CRACR2A: variants seen among roughly 807,000 people sequenced by gnomAD.
The protein encoded by CRACR2A is calcium release activated channel regulator 2A, also known as EF-hand calcium-binding domain-containing protein 4B.
Under a neutral mutation model 90.5 loss-of-function variants are expected in CRACR2A, and 79 were observed. The ratio of observed to expected loss-of-function variants is 0.87; its 90% CI spans 0.73 to 1.05. The LOEUF is 1.05. CRACR2A is among the 50% of genes least tolerant of loss of function. The pLI is 0.00. For missense variants in CRACR2A, 823 were observed against 897.2 expected, an observed-to-expected ratio of 0.92 and a Z score of 1.06; for synonymous variants, 338 against 356.7, an observed-to-expected ratio of 0.95 and a Z score of 0.59.
intron 2 of CRACR2A, among the ~76,000 whole-genome samples, chr12:3,719,637 C>A (rs1024767976): frequency 6.6e-6 from 1 of 152,180 alleles, no homozygotes; most frequent in African/African-American, 2.4e-5. Context: ...GAAATTCCCT[C>A]TGAGATATTT....
intron 2 of CRACR2A, among the ~76,000 whole-genome samples, chr12:3,721,370 C>A (rs78155386): frequency 5.3e-3 from 637 of 121,308 alleles, no homozygotes; most frequent in Middle Eastern, 7.9e-3. Flanking sequence ...CCCGTCTCTA[C>A]AAAAAAAAAA....
At chr12:3,688,570 C>T (rs979563434) in intron 4 of CRACR2A, among the ~76,000 whole-genome samples, 1 of 152,098 alleles carries the variant, frequency 6.6e-6, no homozygotes, top group Admixed American at 6.6e-5. Context: ...GTGTCAGTAC[C>T]ATGCTGTTTT....
intron 11 of CRACR2A, among the ~76,000 whole-genome samples, chr12:3,647,297 G>C (rs1400811348): frequency 6.7e-6 from 1 of 149,130 alleles, no homozygotes; most frequent in Non-Finnish European, 1.5e-5. Context: ...GCTTTCATTA[G>C]CCATTGGGGC....
chr12:3,655,191 T>C (rs1324076935), intron 9 of CRACR2A, among the ~76,000 whole-genome samples: 2 of 152,184 alleles, frequency 1.3e-5, no homozygotes, highest in African/African-American at 4.8e-5. Context: ...GGCTCCTGTG[T>C]AATCAGGCAA....
intron 2 of CRACR2A, among the ~76,000 whole-genome samples, chr12:3,717,243 T>A (rs1012290183): frequency 6.6e-6 from 1 of 152,186 alleles, no homozygotes; most frequent in African/African-American, 2.4e-5. Context: ...CTCTAGCCTA[T>A]CCTGGGACTT....
intron 11 of CRACR2A, chr12:3,648,220 T>C (rs1379313021): frequency 7.4e-6 from 9 of 1,214,134 alleles, no homozygotes; most frequent in African/African-American, 1.5e-5. Flanking sequence ...ATTTCTAGCA[T>C]AGATTAAATG....
chr12:3,637,651 T>A lies in CRACR2A; in HGVS notation c.1602+473A>T, dbSNP rs754513102. ...CCCTTCCCCTTTCCCTCCACTTTCT[T>A]TTACGTGCCCACCCTATCTAAAAAA... is the stretch of plus-strand genomic sequence containing the variant. On this transcript the variant is annotated intron_variant, in intron 14 of 19. Coordinates refer to ENST00000440314, the MANE Select transcript of CRACR2A (RefSeq NM_001144958.2). 4.3e-4 allele frequency among the ~76,000 whole-genome samples: 66 copies of A among 151,984 alleles called. 1 individual carries two copies. The highest frequency in any genetic ancestry group is 1.6e-4 in the Non-Finnish European group (11 of 68,020).
chr12:3,684,959 G>A (rs73049142), intron 4 of CRACR2A, among the ~76,000 whole-genome samples: 3,900 of 152,304 alleles, frequency 0.026, 90 homozygotes, highest in Middle Eastern at 0.075. Context: ...AAGACAGGGC[G>A]GACAGTGTGA....
intron 4 of CRACR2A, among the ~76,000 whole-genome samples, chr12:3,691,453 T>A (rs1310530727): frequency 6.6e-6 from 1 of 152,234 alleles, no homozygotes; most frequent in Non-Finnish European, 1.5e-5. Flanking sequence ...TTTATTTATG[T>A]ATGTTGAATA....
intron 6 of CRACR2A, among the ~76,000 whole-genome samples, chr12:3,678,029 T>C (rs242022): frequency 0.24 from 36,110 of 152,060 alleles, 4,620 homozygotes; most frequent in Middle Eastern, 0.3. Flanking sequence ...GCTCAGGAAA[T>C]GTCAGCTGTA....
At chr12:3,750,044 C>A (rs909981527) in intron 1 of CRACR2A, among the ~76,000 whole-genome samples, 2 of 151,970 alleles carry the variant, frequency 1.3e-5, no homozygotes, top group Non-Finnish European at 2.9e-5. Flanking sequence ...TCAACCAATT[C>A]TCCTGCTTGG....
At chr12:3,696,701 G>C in intron 4 of CRACR2A, 71 bp downstream of exon 4, 1 of 1,599,852 alleles carries the variant, frequency 6.3e-7, no homozygotes, top group Non-Finnish European at 8.5e-7. Context: ...CTCCCACGGG[G>C]CAAGCTCTAA....
intron 2 of CRACR2A, among the ~76,000 whole-genome samples, chr12:3,722,711 C>T (rs1176430239): frequency 6.6e-6 from 1 of 152,188 alleles, no homozygotes; most frequent in African/African-American, 2.4e-5. Flanking sequence ...TGCAAACAGC[C>T]CCTAACCATG....
At chr12:3,620,914 G>A (rs1257784550) in intron 17 of CRACR2A, among the ~76,000 whole-genome samples, 2 of 152,242 alleles carry the variant, frequency 1.3e-5, no homozygotes, top group Non-Finnish European at 2.9e-5. Context: ...GAAAGCCACT[G>A]ATGGCATATA....
chr12:3,680,544 G>GCAT (rs1945428691), intron 4 of CRACR2A, among the ~76,000 whole-genome samples, 195 bp from the exon 5 acceptor site: 2 of 152,180 alleles, frequency 1.3e-5, no homozygotes, highest in Admixed American at 6.5e-5. Flanking sequence ...ACCATTGATT[G>GCAT]GGTGCCTACG....
chr12:3,715,183 G>A (rs923642421), intron 2 of CRACR2A, among the ~76,000 whole-genome samples: 3 of 152,220 alleles, frequency 2.0e-5, no homozygotes, highest in Admixed American at 6.5e-5. Context: ...CTCCCAGTGG[G>A]TTGGGGGAAA....
chr12:3,661,635 CT>C (rs1462325499), intron 7 of CRACR2A, among the ~76,000 whole-genome samples: 5 of 152,202 alleles, frequency 3.3e-5, no homozygotes, highest in South Asian at 2.1e-4. Context: ...GACCCTGATA[CT>C]TCAGTGACAG....
In CRACR2A at chr12:3,638,254, A is replaced by T. The variant is rs1944494831; in HGVS notation, c.1472T>A (p.Leu491Gln). 3.9e-6 allele frequency: 6 copies of T among 1,551,678 alleles called. No homozygotes were observed. Among genetic ancestry groups the T allele is most frequent in the Non-Finnish European group, 5.2e-6 (6 of 1,146,984 alleles). Residue 491 changes from leucine to glutamine, a missense_variant, in exon 14 of 20, where the codon CTG becomes CAG. Leu to Gln is a moderately radical substitution (Grantham distance 113). Transcript: ENST00000440314. ...CTCTTCCTCTTCTGAGCATTTGCTC[A>T]GGGGTTGCTCAAAGCCACCATCCAG... ...QLLDGGFEQP[L>Q]SKCSEEEEVS...
At chr12:3,640,949 C>T (rs1944556006) in intron 13 of CRACR2A, among the ~76,000 whole-genome samples, 1 of 152,200 alleles carries the variant, frequency 6.6e-6, no homozygotes, top group African/African-American at 2.4e-5. Context: ...AACGATCTGT[C>T]AAGCACAAGC....
Sources: gnomAD v4.1 joint callset for allele counts (sites outside exome capture counted in the v4.1 genomes callset) on GRCh38, gnomAD v4.1.1 for gene constraint, MANE v1.5 for transcripts, NCBI Gene and HGNC (gene_info 2026-07-23, HGNC 2026-07-21) for gene names.